DENND1A: variants seen among roughly 807,000 people sequenced by gnomAD.
DENND1A encodes DENN domain-containing protein 1A.
Under a neutral mutation model 113.7 loss-of-function variants are expected in DENND1A, and 51 were observed. The observed-to-expected ratio is 0.45, with a 90% CI of 0.36 to 0.57. The LOEUF is 0.57. DENND1A is among the 20% of genes least tolerant of loss of function. The pLI is 0.00. For synonymous variants in DENND1A, 565 were observed against 570.8 expected (o/e 0.99, Z 0.14); for missense variants, 1,258 against 1,395.9 (o/e 0.90, Z 1.57).
intron 4 of DENND1A, among the ~76,000 whole-genome samples, chr9:123,760,943 T>G (rs1273061919): frequency 1.3e-5 from 2 of 152,314 alleles, no homozygotes; most frequent in East Asian, 3.9e-4. Context: ...GTTCAGTGTT[T>G]TAACTCAGGT....
At chr9:123,583,635 G>A (rs1280784006) in intron 11 of DENND1A, among the ~76,000 whole-genome samples, 1 of 152,138 alleles carries the variant, frequency 6.6e-6, no homozygotes, top group Non-Finnish European at 1.5e-5. Flanking sequence ...GCTGATATAC[G>A]GCTGTGTTCT....
intron 9 of DENND1A, among the ~76,000 whole-genome samples, chr9:123,642,690 T>G (rs971380528): frequency 6.6e-6 from 1 of 152,258 alleles, no homozygotes; most frequent in African/African-American, 2.4e-5. Flanking sequence ...AATAATGCAG[T>G]TTGTTCCTAC....
intron 18 of DENND1A, among the ~76,000 whole-genome samples, chr9:123,445,766 CTGAAGCAGGAGAATCACT>C (rs1258611646): frequency 2.0e-5 from 3 of 152,212 alleles, no homozygotes; most frequent in African/African-American, 7.2e-5. Flanking sequence ...ACTTGGGTGG[CTGAAGCAGGAGAATCACT>C]TGAACCTGGG....
At chr9:123,518,847 T>C (rs1053789412) in intron 13 of DENND1A, among the ~76,000 whole-genome samples, 1 of 152,158 alleles carries the variant, frequency 6.6e-6, no homozygotes, top group East Asian at 1.9e-4. Context: ...GCAGGACTTT[T>C]AACAAATATA....
Position 123,411,089 on chromosome 9 carries a change from GTT to G in DENND1A, c.1542+685_1542+686del, listed in dbSNP as rs764001499. On this transcript the variant is annotated intron_variant, in intron 20 of 23. Coordinates refer to ENST00000394215, the MANE Select transcript of DENND1A (RefSeq NM_001352964.2). Reference sequence around the variant, plus strand: ...TGTCCTGCTTCTCCATCCTTACTTGGTTTTTTTTTTTTTTTCTTTTAAGAGAC... The same window carrying G: ...TGTCCTGCTTCTCCATCCTTACTTGGTTTTTTTTTTTTTCTTTTAAGAGAC... Among the ~76,000 whole-genome samples, 72 of 141,124 alleles carry G rather than the reference GTT, an allele frequency of 5.1e-4. No individual in the cohort carries two copies. In the Middle Eastern group the frequency reaches 0.011, roughly 21 times the overall value. The allele number at this position is 141,124 out of a possible 152,430, so 92.6% of individuals were successfully genotyped here.
chr9:123,906,290 T>G (rs1450120778), intron 1 of DENND1A, among the ~76,000 whole-genome samples: 1 of 135,734 alleles, frequency 7.4e-6, no homozygotes, highest in Non-Finnish European at 1.5e-5. Flanking sequence ...ACATCACAAT[T>G]AAAAGAACTA....
intron 13 of DENND1A, among the ~76,000 whole-genome samples, chr9:123,521,281 G>A (rs1415305561): frequency 2.0e-5 from 3 of 152,188 alleles, no homozygotes; most frequent in Non-Finnish European, 4.4e-5. Context: ...GTATTATCAT[G>A]AAAGGTTTCA....
chr9:123,772,299 G>T (rs1829844831), intron 3 of DENND1A, among the ~76,000 whole-genome samples: 1 of 152,122 alleles, frequency 6.6e-6, no homozygotes, highest in Non-Finnish European at 1.5e-5. Context: ...CTCCAAGAGT[G>T]GGGGCTTTAA....
chr9:123,693,313 T>C (rs1215661339), intron 5 of DENND1A, among the ~76,000 whole-genome samples: 1 of 152,196 alleles, frequency 6.6e-6, no homozygotes, highest in African/African-American at 2.4e-5. Flanking sequence ...ATCTCTCTTT[T>C]AAAAATTCAC....
intron 11 of DENND1A, among the ~76,000 whole-genome samples, chr9:123,602,763 T>G (rs2059989587): frequency 6.6e-6 from 1 of 152,234 alleles, no homozygotes; most frequent in Non-Finnish European, 1.5e-5. Flanking sequence ...CTCCTGGGCT[T>G]GGCTTGAGTG....
chr9:123,683,636 C>T (rs1438695606), intron 5 of DENND1A, among the ~76,000 whole-genome samples: 1 of 152,064 alleles, frequency 6.6e-6, no homozygotes, highest in African/African-American at 2.4e-5. Context: ...GCATTTTATT[C>T]CCAGAATATG....
chr9:123,730,173 A>G (rs1163254777), intron 5 of DENND1A, among the ~76,000 whole-genome samples: 5 of 152,252 alleles, frequency 3.3e-5, no homozygotes, highest in Non-Finnish European at 7.3e-5. Context: ...AAGTCTAGAC[A>G]ATACCATTCA....
At chr9:123,879,756 C>T (rs558578225) in intron 1 of DENND1A, among the ~76,000 whole-genome samples, 1 of 152,112 alleles carries the variant, frequency 6.6e-6, no homozygotes, top group Non-Finnish European at 1.5e-5. Flanking sequence ...GAATAAAACA[C>T]GAATGTGACA....
At chr9:123,898,565 C>A (rs77588316) in intron 1 of DENND1A, among the ~76,000 whole-genome samples, 5,451 of 152,196 alleles carry the variant, frequency 0.036, 106 homozygotes, top group Middle Eastern at 0.048. Context: ...TAGGCTCATG[C>A]AATCTTCCTG....
intron 11 of DENND1A, among the ~76,000 whole-genome samples, chr9:123,593,078 A>G (rs1333753264): frequency 3.9e-5 from 6 of 152,246 alleles, no homozygotes; most frequent in Non-Finnish European, 8.8e-5. Flanking sequence ...AGACAGCTCC[A>G]GGACACACAC....
chr9:123,696,246 C>G (rs1011819273), intron 5 of DENND1A, among the ~76,000 whole-genome samples: 1 of 152,172 alleles, frequency 6.6e-6, no homozygotes, highest in African/African-American at 2.4e-5. Flanking sequence ...GTGATTAGAA[C>G]AGCATGCTAT....
intron 1 of DENND1A, among the ~76,000 whole-genome samples, chr9:123,884,957 A>T (rs1848801373): frequency 6.6e-6 from 1 of 151,662 alleles, no homozygotes; most frequent in Admixed American, 6.6e-5. Context: ...ATTATTGTTC[A>T]ACAACCCTCC....
At position 123,812,843 on chromosome 9, in the gene DENND1A, T is replaced by C. The variant is rs149035069; in HGVS notation, c.89-20213A>G. On this transcript the variant is annotated intron_variant, in intron 2 of 23. Transcript: ENST00000394215. Reference sequence around the variant, plus strand: ...TCCTAAGCCTTGTAAAAATTTTCAATCTAATAATTGTCTTTTTATTTTGTT... The same window carrying C: ...TCCTAAGCCTTGTAAAAATTTTCAACCTAATAATTGTCTTTTTATTTTGTT... Among the ~76,000 whole-genome samples, 1,190 of 152,286 alleles carry C rather than the reference T, an allele frequency of 7.8e-3. 7 individuals are homozygous for C. The highest frequency in any genetic ancestry group is 0.024 in the African/African-American group (1,001 of 41,552).
chr9:123,684,058 A>G (rs1422894377), intron 5 of DENND1A, among the ~76,000 whole-genome samples: 1 of 152,174 alleles, frequency 6.6e-6, no homozygotes, highest in African/African-American at 2.4e-5. Context: ...ATCAAGGAAT[A>G]CTTACAAACA....
Sources: allele counts gnomAD v4.1 joint callset (sites outside exome capture counted in the v4.1 genomes callset), GRCh38; gene constraint gnomAD v4.1.1; transcripts MANE v1.5; gene names NCBI Gene and HGNC (gene_info 2026-07-23, HGNC 2026-07-21).